The following NUP88 variants were observed in gnomAD, a reference collection of about 807,000 sequenced individuals.
NUP88 encodes nucleoporin 88, also known as nuclear pore complex protein Nup88.
NUP88 carries 57 observed loss-of-function variants against 93.9 expected under a neutral mutation model. The observed-to-expected ratio is 0.61, with a 90% CI of 0.49 to 0.76. The LOEUF (loss-of-function observed/expected upper bound fraction) is 0.76. NUP88 is among the 30% of genes least tolerant of loss of function. The pLI is 0.00. For synonymous variants in NUP88, 346 were observed against 336.8 expected (o/e 1.03, Z -0.30); for missense variants, 911 against 901.0 (o/e 1.01, Z -0.14).
At chr17:5,418,989 G>T (rs914442157) in intron 1 of NUP88, among the ~76,000 whole-genome samples, 3 of 152,170 alleles carry the variant, frequency 2.0e-5, no homozygotes, top group Non-Finnish European at 4.4e-5. Context: ...TGTGCACAAC[G>T]CAAGAGAAAG....
intron 10 of NUP88, among the ~76,000 whole-genome samples, chr17:5,389,593 C>T (rs144998311): frequency 6.3e-4 from 96 of 151,640 alleles, no homozygotes; most frequent in Admixed American, 2.0e-3. Context: ...GCCTGGCCAA[C>T]GTGGTAAAAC....
chr17:5,406,407 A>G, intron 5 of NUP88, among the ~76,000 whole-genome samples: 1 of 152,196 alleles, frequency 6.6e-6, no homozygotes, highest in East Asian at 1.9e-4. Flanking sequence ...GACATCCAGG[A>G]CTGGCTTATG....
At chr17:5,402,316 AAAC>A (rs1183229263) in intron 7 of NUP88, among the ~76,000 whole-genome samples, 2 of 139,024 alleles carry the variant, frequency 1.4e-5, no homozygotes, top group African/African-American at 5.3e-5. Flanking sequence ...TCAAAAAAAA[AAAC>A]AAAAAACAAA....
Position 5,412,875 on chromosome 17 carries a change from C to T in NUP88, c.593+1134G>A, listed in dbSNP as rs1806260. Among the ~76,000 whole-genome samples the T allele has an allele frequency of 8.6e-3, 1,316 of 152,316 alleles. 5 individuals carry two copies. The highest frequency in any genetic ancestry group is 0.013 in the Non-Finnish European group (896 of 68,018). On this transcript the variant is annotated intron_variant, in intron 3 of 16. Transcript: ENST00000573584. ...GGAGGAAGGAGGGGGCAGCCCATTC[C>T]TTACACTTCACCCTATGTTCCAAAG... is the stretch of plus-strand genomic sequence containing the variant.
intron 4 of NUP88, among the ~76,000 whole-genome samples, chr17:5,409,252 T>C (rs1913681869): frequency 6.6e-6 from 1 of 151,978 alleles, no homozygotes; most frequent in Non-Finnish European, 1.5e-5. Context: ...CAGGTGCCTG[T>C]AGTCCCAGCT....
chr17:5,395,738 G>A (rs9789058), intron 8 of NUP88, among the ~76,000 whole-genome samples: 66,194 of 151,514 alleles, frequency 0.44, 15,202 homozygotes, highest in East Asian at 0.84. Flanking sequence ...GACTGGTCTC[G>A]AACTCCTGAA....
intron 3 of NUP88, among the ~76,000 whole-genome samples, chr17:5,413,745 T>C (rs1182503034): frequency 6.6e-6 from 1 of 152,148 alleles, no homozygotes; most frequent in Non-Finnish European, 1.5e-5. Flanking sequence ...AGGGTGACAA[T>C]GATGAAAGAG....
chr17:5,391,811 G>A (rs1267663687), intron 9 of NUP88, 149 bp from the exon 10 acceptor site: 2 of 632,416 alleles, frequency 3.2e-6, no homozygotes, highest in African/African-American at 3.6e-5. Context: ...GTGGTGGCTT[G>A]GAAACCTTTA....
At chr17:5,392,442 A>C (rs1912498054) in intron 9 of NUP88, among the ~76,000 whole-genome samples, 1 of 152,228 alleles carries the variant, frequency 6.6e-6, no homozygotes, top group African/African-American at 2.4e-5. Flanking sequence ...CAGCAGTTGA[A>C]AACACTAGTT....
chr17:5,416,735 T>C (rs1330357000), intron 1 of NUP88, 53 bp from the exon 2 acceptor site: 4 of 1,419,572 alleles, frequency 2.8e-6, no homozygotes, highest in Non-Finnish European at 9.6e-7. Flanking sequence ...TAAATATAGG[T>C]GGCAGTTACT....
At chr17:5,386,610 A>G (rs1911999701) in intron 16 of NUP88, 98 bp downstream of exon 16, 1 of 838,760 alleles carries the variant, frequency 1.2e-6, no homozygotes, top group African/African-American at 1.7e-5. Context: ...TGACATGCAA[A>G]TACCAAGATT....
At chr17:5,407,899 G>A (rs1913591591) in intron 5 of NUP88, among the ~76,000 whole-genome samples, 1 of 152,022 alleles carries the variant, frequency 6.6e-6, no homozygotes, top group Admixed American at 6.6e-5. Flanking sequence ...TTTTGCAAAA[G>A]CTTCTTTAAA....
chr17:5,399,069 T>C (rs777254272), intron 8 of NUP88, among the ~76,000 whole-genome samples: 1 of 150,832 alleles, frequency 6.6e-6, no homozygotes, highest in Non-Finnish European at 1.5e-5. Context: ...ATTTTTGTAT[T>C]TTTAGTAGAG....
chr17:5,406,541 G>A (rs1262012596), intron 5 of NUP88, among the ~76,000 whole-genome samples: 3 of 152,100 alleles, frequency 2.0e-5, no homozygotes, highest in Admixed American at 6.5e-5. Context: ...GTATTAGGGA[G>A]GAAGACATGG....
At chr17:5,418,289 T>G (rs902218781) in intron 1 of NUP88, 13 of 152,224 alleles carry the variant, frequency 8.5e-5, no homozygotes, top group African/African-American at 3.1e-4. Flanking sequence ...AGTCTTGCTC[T>G]GTTGCCCAGG....
chr17:5,394,164 G>T (rs555838619), intron 9 of NUP88, among the ~76,000 whole-genome samples: 2 of 152,130 alleles, frequency 1.3e-5, no homozygotes, highest in Non-Finnish European at 2.9e-5. Flanking sequence ...ATATGGATGC[G>T]GGAACTGTCA....
intron 5 of NUP88, among the ~76,000 whole-genome samples, chr17:5,407,932 C>G (rs1045939857): frequency 1.3e-5 from 2 of 152,184 alleles, no homozygotes; most frequent in African/African-American, 4.8e-5. Context: ...AGTCCCCTCC[C>G]TAACCAATTG....
chr17:5,419,205 C>A, intron 1 of NUP88, 149 bp downstream of exon 1: 1 of 856,120 alleles, frequency 1.2e-6, no homozygotes. Context: ...ATCGAGAGAG[C>A]CTGAGTCCCC....
rs149950508 is a variant in NUP88, at chr17:5,416,188, T to TACAC, written c.467+321_467+324dup. 1.1e-3 allele frequency among the ~76,000 whole-genome samples: 145 copies of TACAC among 126,176 alleles called. 1 individual carries two copies. The South Asian group carries it at 0.012, about 10-fold the overall frequency. 82.8% of individuals were successfully genotyped at this position (126,176 alleles called of 152,430 possible). On this transcript the variant is annotated intron_variant, in intron 2 of 16. Transcript: ENST00000573584. ...AAAAGTATATATATATATACACACA[T>TACAC]ACACACACACACACACACATAAAAT...
Sources: allele counts gnomAD v4.1 joint callset (sites outside exome capture counted in the v4.1 genomes callset), GRCh38; gene constraint gnomAD v4.1.1; transcripts MANE v1.5; gene names NCBI Gene and HGNC (gene_info 2026-07-23, HGNC 2026-07-21).